The following SDCCAG8 variants were observed in gnomAD, a reference collection of about 807,000 sequenced individuals.
SDCCAG8 encodes SHH signaling and ciliogenesis regulator SDCCAG8.
A neutral mutation model predicts 101.8 loss-of-function variants in SDCCAG8; 74 were observed. The ratio of observed to expected loss-of-function variants is 0.73; its 90% CI spans 0.60 to 0.88. The LOEUF (loss-of-function observed/expected upper bound fraction) is 0.88. Among genes scored for constraint, SDCCAG8 ranks in the 40% least tolerant of loss-of-function variants. SDCCAG8 has a pLI of 0.00. For synonymous variants in SDCCAG8, 281 were observed against 292.9 expected (o/e 0.96, Z 0.41); for missense variants, 787 against 822.6 (o/e 0.96, Z 0.53).
intron 16 of SDCCAG8, among the ~76,000 whole-genome samples, chr1:243,461,306 T>C (rs1659057627): frequency 6.6e-6 from 1 of 152,224 alleles, no homozygotes. Context: ...GATAATTTAC[T>C]AAAATGCAGT....
chr1:243,273,378 T>C (rs2068252976), intron 3 of SDCCAG8, among the ~76,000 whole-genome samples: 1 of 152,150 alleles, frequency 6.6e-6, no homozygotes, highest in Admixed American at 6.5e-5. Flanking sequence ...AAAAAAAAAT[T>C]ATGTGATGGG....
At chr1:243,329,435 A>G (rs1045306479) in intron 9 of SDCCAG8, among the ~76,000 whole-genome samples, 1 of 152,232 alleles carries the variant, frequency 6.6e-6, no homozygotes, top group Admixed American at 6.5e-5. Context: ...AGAGGGAAGC[A>G]TAACTATGCA....
chr1:243,297,960 G>GT (rs2071096928), intron 6 of SDCCAG8, among the ~76,000 whole-genome samples: 1 of 150,256 alleles, frequency 6.7e-6, no homozygotes, highest in African/African-American at 2.4e-5. Flanking sequence ...TTATGTAGTT[G>GT]TTTTTTATGT....
intron 9 of SDCCAG8, among the ~76,000 whole-genome samples, chr1:243,321,592 G>C (rs952748042): frequency 2.0e-5 from 3 of 152,122 alleles, no homozygotes; most frequent in Non-Finnish European, 4.4e-5. Flanking sequence ...TACATTCCCT[G>C]GTGTATATGT....
intron 16 of SDCCAG8, among the ~76,000 whole-genome samples, chr1:243,478,713 C>G (rs908257020): frequency 4.6e-5 from 7 of 152,106 alleles, no homozygotes; most frequent in African/African-American, 1.7e-4. Flanking sequence ...AATCCCAGCA[C>G]TTTGGGAAGC....
At chr1:243,462,300 T>A (rs977624043) in intron 16 of SDCCAG8, among the ~76,000 whole-genome samples, 1 of 152,194 alleles carries the variant, frequency 6.6e-6, no homozygotes, top group African/African-American at 2.4e-5. Context: ...AGTGTTCTCG[T>A]TCCTATCATC....
At chr1:243,263,218 TA>T (rs1325675097) in intron 1 of SDCCAG8, among the ~76,000 whole-genome samples, 4 of 152,236 alleles carry the variant, frequency 2.6e-5, no homozygotes, top group Non-Finnish European at 5.9e-5. Context: ...TGTCTTGTTT[TA>T]TTGATTTTTT....
chr1:243,442,921 C>T (rs543620483), intron 16 of SDCCAG8, among the ~76,000 whole-genome samples: 3 of 152,300 alleles, frequency 2.0e-5, no homozygotes, highest in Middle Eastern at 3.4e-3. Context: ...AAATTCAAAT[C>T]CTTTCCCAAT....
intron 17 of SDCCAG8, among the ~76,000 whole-genome samples, chr1:243,492,455 C>G (rs935835455): frequency 9.9e-5 from 15 of 151,638 alleles, no homozygotes; most frequent in African/African-American, 3.6e-4. Flanking sequence ...GCACCCACCA[C>G]CACACCTAGC....
intron 9 of SDCCAG8, among the ~76,000 whole-genome samples, chr1:243,319,749 C>T (rs2073591267): frequency 6.6e-6 from 1 of 152,132 alleles, no homozygotes; most frequent in South Asian, 2.1e-4. Context: ...GTTTGAATTT[C>T]CATGTTGCTG....
intron 16 of SDCCAG8, among the ~76,000 whole-genome samples, chr1:243,477,053 C>T (rs1430481016): frequency 2.0e-5 from 3 of 151,376 alleles, no homozygotes; most frequent in African/African-American, 2.4e-5. Flanking sequence ...GGCAGGAGAG[C>T]GTAATCAATC....
intron 16 of SDCCAG8, among the ~76,000 whole-genome samples, chr1:243,457,810 G>C (rs911109571): frequency 3.9e-5 from 6 of 152,188 alleles, no homozygotes; most frequent in African/African-American, 1.4e-4. Context: ...CAATCCCTCT[G>C]TTAAGTGGTT....
chr1:243,323,470 C>T (rs772088964), intron 9 of SDCCAG8, among the ~76,000 whole-genome samples: 1 of 152,066 alleles, frequency 6.6e-6, no homozygotes, highest in Non-Finnish European at 1.5e-5. Context: ...TGATGTCTCC[C>T]ACTTCTATGT....
rs1661933030 is a variant in SDCCAG8 at position 243,474,433 on chromosome 1, G to A, written c.1986-14581G>A. On this transcript the variant is annotated intron_variant, in intron 16 of 17. Coordinates refer to ENST00000366541, the MANE Select transcript of SDCCAG8 (RefSeq NM_006642.5). The surrounding 1 kb of genome is among the most constrained non-coding windows in gnomAD (Gnocchi z 4.7). ...CCAGGTGCGGGCTCCAGGCCCTCTC[G>A]CGCGGCTTCGGGACTCGGCCGAGCC... 6.6e-6 allele frequency among the ~76,000 whole-genome samples: 1 copy of A among 152,184 alleles called. No homozygotes were observed. Among genetic ancestry groups the A allele is most frequent in the Non-Finnish European group, 1.5e-5 (1 of 68,018 alleles).
intron 12 of SDCCAG8, among the ~76,000 whole-genome samples, chr1:243,358,823 T>C (rs1157919026): frequency 6.6e-6 from 1 of 152,172 alleles, no homozygotes; most frequent in Non-Finnish European, 1.5e-5. Context: ...AGACTTACAA[T>C]TGAAAACATC....
At chr1:243,336,433 A>G (rs900829037) in intron 10 of SDCCAG8, among the ~76,000 whole-genome samples, 3 of 152,214 alleles carry the variant, frequency 2.0e-5, no homozygotes, top group Admixed American at 2.0e-4. Flanking sequence ...TGATTTATAA[A>G]GAAAAGAGCT....
chr1:243,492,434 T>G (rs1349102387), intron 17 of SDCCAG8, among the ~76,000 whole-genome samples: 1 of 149,076 alleles, frequency 6.7e-6, no homozygotes, highest in African/African-American at 2.5e-5. Context: ...CCCAAGTAGC[T>G]GGGATTACAG....
At chr1:243,484,811 C>T (rs755116877) in intron 16 of SDCCAG8, among the ~76,000 whole-genome samples, 34 of 152,096 alleles carry the variant, frequency 2.2e-4, no homozygotes, top group Non-Finnish European at 4.3e-4. Context: ...TTTGGGAGGC[C>T]AAGGCGGGCA....
intron 13 of SDCCAG8, among the ~76,000 whole-genome samples, chr1:243,412,345 G>T (rs924066345): frequency 6.6e-6 from 1 of 152,076 alleles, no homozygotes; most frequent in Non-Finnish European, 1.5e-5. Context: ...ACACATAAAA[G>T]ACATTAATAT....
Sources: allele counts gnomAD v4.1 joint callset (sites outside exome capture counted in the v4.1 genomes callset), GRCh38; gene constraint gnomAD v4.1.1; non-coding constraint Gnocchi (gnomAD v3.1); transcripts MANE v1.5; gene names NCBI Gene and HGNC (gene_info 2026-07-23, HGNC 2026-07-21).